The following CRY1 variants were observed in gnomAD, a reference collection of about 807,000 sequenced individuals.
CRY1 encodes cryptochrome-1.
A neutral mutation model predicts 76.0 loss-of-function variants in CRY1; 45 were observed. The ratio of observed to expected loss-of-function variants is 0.59; its 90% CI spans 0.47 to 0.76. CRY1 has a LOEUF of 0.76. Ranked by LOEUF, CRY1 falls within the 30% of genes least tolerant of loss-of-function variation. CRY1 has a pLI of 0.00. For missense variants in CRY1, 587 were observed against 716.4 expected, an observed-to-expected ratio of 0.82 and a Z score of 2.06; for synonymous variants, 248 against 244.0, an observed-to-expected ratio of 1.02 and a Z score of -0.15.
chr12:107,081,948 G>C (rs954831645), intron 1 of CRY1, among the ~76,000 whole-genome samples: 1 of 151,838 alleles, frequency 6.6e-6, no homozygotes, highest in Admixed American at 6.6e-5. Flanking sequence ...CATGGGGACA[G>C]ACAAACACAA....
At chr12:107,003,955 G>A (rs556739827) in intron 3 of CRY1, among the ~76,000 whole-genome samples, 60 of 151,772 alleles carry the variant, frequency 4.0e-4, no homozygotes, top group Non-Finnish European at 7.5e-4. Context: ...ACAGGCACCC[G>A]CCACTATGCC....
intron 1 of CRY1, among the ~76,000 whole-genome samples, chr12:107,028,568 T>C (rs899888774): frequency 1.2e-4 from 19 of 152,266 alleles, no homozygotes; most frequent in African/African-American, 4.6e-4. Context: ...TTTTAAAGCA[T>C]TAATATCATG....
chr12:106,999,562 C>CTTCCCAACTA lies in CRY1; in HGVS notation c.1116_1125dup (p.Glu376Ter), dbSNP rs1260330616. 1 of 1,611,658 alleles carries CTTCCCAACTA rather than the reference C, an allele frequency of 6.2e-7. No individual in the cohort carries two copies. The highest frequency in any genetic ancestry group is 1.1e-5 in the South Asian group (1 of 90,534). On this transcript the variant is annotated stop_gained and frameshift_variant, in exon 7 of 13. Transcript: ENST00000008527. LOFTEE classifies it high-confidence loss of function. ...GTTAGAACACTTACCTTCATTCCTT[C>CTTCCCAACTA]TTCCCAACTAATCCACAGGTCCCCT...
At chr12:107,009,438 C>T (rs1452163741) in intron 2 of CRY1, among the ~76,000 whole-genome samples, 4 of 151,544 alleles carry the variant, frequency 2.6e-5, no homozygotes, top group Admixed American at 2.6e-4. Context: ...ACTCAGGAGG[C>T]TGAGGCAGGA....
chr12:107,065,107 C>T (rs1012730132), intron 1 of CRY1, among the ~76,000 whole-genome samples: 1 of 152,064 alleles, frequency 6.6e-6, no homozygotes, highest in Non-Finnish European at 1.5e-5. Context: ...ACCAGCCTAA[C>T]TAAAATGGTG....
At chr12:107,037,075 T>C (rs940540806) in intron 1 of CRY1, among the ~76,000 whole-genome samples, 2 of 152,176 alleles carry the variant, frequency 1.3e-5, no homozygotes, top group Non-Finnish European at 2.9e-5. Flanking sequence ...TAAATATATA[T>C]AGTTTCAATG....
At chr12:107,007,955 A>G (rs1376675217) in intron 2 of CRY1, among the ~76,000 whole-genome samples, 1 of 152,232 alleles carries the variant, frequency 6.6e-6, no homozygotes, top group African/African-American at 2.4e-5. Context: ...GGGGCTAAAG[A>G]TAAAAATATC....
chr12:107,032,100 A>G (rs1236649041), intron 1 of CRY1, among the ~76,000 whole-genome samples: 2 of 151,848 alleles, frequency 1.3e-5, no homozygotes, highest in East Asian at 3.9e-4. Context: ...ACGCCCGGCT[A>G]ATTTTGTATT....
chr12:107,048,087 A>ATTT (rs35101973), intron 1 of CRY1, among the ~76,000 whole-genome samples: 2 of 149,842 alleles, frequency 1.3e-5, no homozygotes, highest in Admixed American at 6.6e-5. Context: ...ATCCATTCAG[A>ATTT]TTTTTTTTTT....
intron 2 of CRY1, among the ~76,000 whole-genome samples, chr12:107,014,896 TAGAC>T (rs1952482915): frequency 6.6e-6 from 1 of 152,088 alleles, no homozygotes. Context: ...TCTTTTTTTT[TAGAC>T]AGAGTCACAC....
chr12:107,052,944 G>A (rs1427307917), intron 1 of CRY1, among the ~76,000 whole-genome samples: 1 of 152,178 alleles, frequency 6.6e-6, no homozygotes, highest in Non-Finnish European at 1.5e-5. Flanking sequence ...GATTATGAAG[G>A]ATCACAATGA....
chr12:107,015,119 G>A (rs1046347830), intron 2 of CRY1, among the ~76,000 whole-genome samples: 2 of 151,994 alleles, frequency 1.3e-5, no homozygotes, highest in African/African-American at 2.4e-5. Context: ...CTTGTGATCC[G>A]CCGGCCTCAG....
At position 107,085,277 on chromosome 12, in the gene CRY1, C is replaced by G. The variant is rs545707838; in HGVS notation, c.158+7527G>C. 3.9e-5 allele frequency among the ~76,000 whole-genome samples: 6 copies of G among 152,258 alleles called. No individual in the cohort carries two copies. The East Asian group carries it at 1.2e-3, about 29-fold the overall frequency. On this transcript the variant is annotated intron_variant, in intron 1 of 12. Transcript: ENST00000008527. ...TGGTGATTCCTCAAGGATCTACAAA[C>G]AGAAATATCATTTGACCCAGCAATC...
chr12:107,081,089 T>C (rs892424995), intron 1 of CRY1, among the ~76,000 whole-genome samples: 2 of 152,062 alleles, frequency 1.3e-5, no homozygotes, highest in African/African-American at 4.8e-5. Context: ...GACAGCAGTA[T>C]CTCTTCCACT....
intron 1 of CRY1, among the ~76,000 whole-genome samples, chr12:107,076,592 G>A (rs190449475): frequency 4.8e-4 from 72 of 148,776 alleles, no homozygotes; most frequent in Non-Finnish European, 5.6e-4. Flanking sequence ...TCCAGCCTGC[G>A]TGACAAAATG....
Position 107,007,767 on chromosome 12 carries a change from AG to A in CRY1, c.268-2520del, listed in dbSNP as rs1952391961. Reference sequence around the variant, plus strand: ...CTAGTCTCAAAATCCTGCCCTCAAGAGATCCTCCTTCCTCAGCCTCCCAACG... The same window carrying A: ...CTAGTCTCAAAATCCTGCCCTCAAGAATCCTCCTTCCTCAGCCTCCCAACG... On this transcript the variant is annotated intron_variant, in intron 2 of 12. Coordinates refer to ENST00000008527, the MANE Select transcript of CRY1 (RefSeq NM_004075.5). 3.3e-5 allele frequency among the ~76,000 whole-genome samples: 5 copies of A among 152,228 alleles called. No individual in the cohort carries two copies. The South Asian group carries it at 1.0e-3, about 32-fold the overall frequency.
chr12:106,993,337 G>C (rs886574028), intron 10 of CRY1, among the ~76,000 whole-genome samples: 2 of 151,858 alleles, frequency 1.3e-5, no homozygotes, highest in African/African-American at 4.8e-5. Context: ...AGGGGCAAGA[G>C]TGAGATAGAC....
chr12:107,080,936 A>C (rs866266278), intron 1 of CRY1, among the ~76,000 whole-genome samples: 1 of 152,152 alleles, frequency 6.6e-6, no homozygotes, highest in African/African-American at 2.4e-5. Context: ...TATGTTTTAC[A>C]GAATTTGATC....
intron 1 of CRY1, among the ~76,000 whole-genome samples, chr12:107,032,873 G>A (rs771715626): frequency 6.6e-6 from 1 of 152,140 alleles, no homozygotes; most frequent in Non-Finnish European, 1.5e-5. Flanking sequence ...AAGAAAAACA[G>A]CAGAATAAAT....
Sources: allele counts gnomAD v4.1 joint callset (sites outside exome capture counted in the v4.1 genomes callset), GRCh38; gene constraint gnomAD v4.1.1; transcripts MANE v1.5; gene names NCBI Gene and HGNC (gene_info 2026-07-23, HGNC 2026-07-21).